The following BEST3 variants were observed in gnomAD, a reference collection of about 807,000 sequenced individuals.
BEST3 encodes the protein bestrophin 3.
In BEST3, 50 loss-of-function variants were observed where a neutral mutation model predicts 47.1. That is an observed-to-expected ratio of 1.06 (90% CI 0.85 to 1.34). The LOEUF is 1.34. Ranked by LOEUF, BEST3 falls within the 40% of genes most tolerant of loss-of-function variation. BEST3 has a pLI of 0.00. For missense variants in BEST3, 765 were observed against 817.0 expected (o/e 0.94, Z 0.78); for synonymous variants, 282 against 298.8 (o/e 0.94, Z 0.58).
At chr12:69,645,293 C>T (rs902234789) in intron 9 of BEST3, among the ~76,000 whole-genome samples, 3 of 152,100 alleles carry the variant, frequency 2.0e-5, no homozygotes, top group African/African-American at 4.8e-5. Context: ...GTTAAGGCTC[C>T]CAGGAACGCT....
intron 7 of BEST3, among the ~76,000 whole-genome samples, chr12:69,674,413 A>G (rs971396398): frequency 2.0e-5 from 3 of 152,142 alleles, no homozygotes; most frequent in Non-Finnish European, 1.5e-5. Context: ...AGTGTCAGGT[A>G]AAGCTCCCAG....
chr12:69,657,895 C>G (rs1360031703), intron 9 of BEST3, among the ~76,000 whole-genome samples: 1 of 152,212 alleles, frequency 6.6e-6, no homozygotes, highest in Non-Finnish European at 1.5e-5. Flanking sequence ...AGCCTTCTGA[C>G]CCACCCTCCA....
intron 9 of BEST3, among the ~76,000 whole-genome samples, chr12:69,657,165 G>A (rs574039562): frequency 9.2e-4 from 139 of 151,388 alleles, no homozygotes; most frequent in African/African-American, 3.2e-3. Context: ...GTGTGATCTC[G>A]GCTCACTGCA....
At chr12:69,692,284 C>T (rs1885954028) in intron 4 of BEST3, among the ~76,000 whole-genome samples, 1 of 152,208 alleles carries the variant, frequency 6.6e-6, no homozygotes, top group African/African-American at 2.4e-5. Flanking sequence ...ATACTGCAAA[C>T]TAATGTGAGA....
chr12:69,655,760 TG>T lies in BEST3; in HGVS notation c.1153del (p.His385MetfsTer7), dbSNP rs772691846. On this transcript the variant is annotated frameshift_variant, in exon 10 of 10. Transcript: ENST00000330891. LOFTEE classifies it low-confidence loss of function (END_TRUNC). ...TCTTATCATGGAATGCCGATGGCCA[TG>T]CTTCTCATAATCCCACAGCCACTCC... Reference protein sequence around the residue: ...DEEWLWDYEKHGHRHSMIRRV... With the variant: ...DEEWLWDYEKXGHRHSMIRRV... 6.2e-7 allele frequency: 1 copy of T among 1,613,612 alleles called. No homozygotes were observed. The highest frequency in any genetic ancestry group is 1.3e-5 in the African/African-American group (1 of 74,886).
chr12:69,687,746 T>G (rs1289052094), intron 4 of BEST3, among the ~76,000 whole-genome samples: 1 of 151,900 alleles, frequency 6.6e-6, no homozygotes, highest in Non-Finnish European at 1.5e-5. Flanking sequence ...TTATAACTAC[T>G]CTTATGAACT....
chr12:69,680,919 C>T (rs986758709), intron 4 of BEST3, among the ~76,000 whole-genome samples: 1 of 144,726 alleles, frequency 6.9e-6, no homozygotes, highest in African/African-American at 2.5e-5. Flanking sequence ...TTAATGGCTG[C>T]TCTCTATATA....
chr12:69,681,678 A>T (rs570681320), intron 4 of BEST3, among the ~76,000 whole-genome samples: 2 of 152,274 alleles, frequency 1.3e-5, no homozygotes, highest in East Asian at 3.9e-4. Context: ...GATATCTATT[A>T]AATATGGAGA....
chr12:69,673,437 AT>A (rs1884706619), intron 7 of BEST3, among the ~76,000 whole-genome samples: 3 of 152,078 alleles, frequency 2.0e-5, no homozygotes, highest in Non-Finnish European at 2.9e-5. Flanking sequence ...TTCACAATTT[AT>A]TTTTATTTTT....
At chr12:69,695,157 A>C (rs1480932790) in intron 2 of BEST3, among the ~76,000 whole-genome samples, 1 of 152,186 alleles carries the variant, frequency 6.6e-6, no homozygotes, top group Non-Finnish European at 1.5e-5. Context: ...TGATATTTAC[A>C]TTATAGGGAA....
chr12:69,688,703 C>A (rs933022593), intron 4 of BEST3, among the ~76,000 whole-genome samples: 13 of 152,156 alleles, frequency 8.5e-5, no homozygotes, highest in Non-Finnish European at 1.6e-4. Flanking sequence ...CTGGCCAGCA[C>A]TGAATCTATG....
At chr12:69,694,499 T>C in intron 2 of BEST3, 35 bp from the exon 3 acceptor site, 1 of 1,195,846 alleles carries the variant, frequency 8.4e-7, no homozygotes, top group Non-Finnish European at 1.2e-6. Flanking sequence ...CCCTTTATGA[T>C]ATTATACTTC....
chr12:69,655,080 T>C lies in BEST3; in HGVS notation c.1834A>G (p.Ser612Gly). Residue 612 changes from serine to glycine, a missense_variant, in exon 10 of 10, where the codon AGC (serine) becomes GGC (glycine). Physicochemically the swap from Ser to Gly is moderately conservative, Grantham distance 56 (BLOSUM62 0). Transcript: ENST00000330891. Reference protein sequence around the residue: ...SLGNLSPDPMSSQPALLIDTE... With the variant: ...SLGNLSPDPMGSQPALLIDTE... ...TCAATTAAAAGAGCTGGCTGAGAGC[T>C]CATGGGGTCTGGACTTAGGTTTCCC... is the stretch of plus-strand genomic sequence containing the variant. The C allele has an allele frequency of 6.2e-7, 1 of 1,614,144 alleles. No individual in the cohort carries two copies. The highest frequency in any genetic ancestry group is 1.1e-5 in the South Asian group (1 of 91,082).
chr12:69,667,446 G>T (rs530146569), intron 9 of BEST3, among the ~76,000 whole-genome samples: 96 of 152,166 alleles, frequency 6.3e-4, no homozygotes, highest in Non-Finnish European at 1.1e-3. Flanking sequence ...TACAGGCTGT[G>T]CCACCATGCT....
chr12:69,677,135 G>A (rs748436719), intron 6 of BEST3, 45 bp downstream of exon 6: 1 of 1,613,122 alleles, frequency 6.2e-7, no homozygotes, highest in Non-Finnish European at 8.5e-7. Flanking sequence ...ACAGTGCCAA[G>A]GTAGGCAAGT....
intron 4 of BEST3, among the ~76,000 whole-genome samples, chr12:69,693,245 C>T (rs1455293560): frequency 3.7e-5 from 5 of 136,694 alleles, no homozygotes; most frequent in African/African-American, 8.2e-5. Context: ...CTCTCTCTCT[C>T]TTTTTTTTTT....
At chr12:69,681,945 G>C (rs1159989668) in intron 4 of BEST3, among the ~76,000 whole-genome samples, 2 of 152,092 alleles carry the variant, frequency 1.3e-5, no homozygotes, top group African/African-American at 4.8e-5. Context: ...GCCGGGTGTA[G>C]TGGTAGGGAC....
exon 10 of BEST3, chr12:69,643,752 T>C: frequency 1.4e-6 from 1 of 716,178 alleles, no homozygotes; most frequent in East Asian, 2.7e-5. Context: ...GATTTTTATA[T>C]CTTCCATCTT....
chr12:69,658,850 C>T (rs950380850), intron 9 of BEST3, among the ~76,000 whole-genome samples: 3 of 152,112 alleles, frequency 2.0e-5, no homozygotes, highest in African/African-American at 7.2e-5. Context: ...GGAAAGAGGT[C>T]CTTGGACCGT....
Sources: allele counts gnomAD v4.1 joint callset (sites outside exome capture counted in the v4.1 genomes callset), GRCh38; gene constraint gnomAD v4.1.1; transcripts MANE v1.5; gene names NCBI Gene and HGNC (gene_info 2026-07-23, HGNC 2026-07-21).